Variants in RGS5 observed in about 807,000 individuals in gnomAD.
The protein encoded by RGS5 is regulator of G-protein signalling 5.
RGS5 carries 20 observed loss-of-function variants against 18.9 expected under a neutral mutation model. The ratio of observed to expected loss-of-function variants is 1.06; its 90% CI spans 0.74 to 1.54. RGS5 has a LOEUF of 1.54. Among genes scored for constraint, RGS5 ranks in the 40% most tolerant of loss-of-function variants. RGS5 has a pLI of 0.00. For missense variants in RGS5, 201 were observed against 211.8 expected (o/e 0.95, Z 0.32); for synonymous variants, 57 against 76.2 (o/e 0.75, Z 1.31).
intron 2 of RGS5, among the ~76,000 whole-genome samples, chr1:163,233,120 T>TA: frequency 6.6e-6 from 1 of 152,254 alleles, no homozygotes; most frequent in Non-Finnish European, 1.5e-5. Context: ...TTTGGATTTT[T>TA]AAAAAATATT....
At chr1:163,275,127 C>CA (rs1453758027) in intron 2 of RGS5, among the ~76,000 whole-genome samples, 3 of 152,100 alleles carry the variant, frequency 2.0e-5, no homozygotes, top group East Asian at 1.9e-4. Context: ...AATACAAAAA[C>CA]AAAAAAGTTT....
intron 2 of RGS5, among the ~76,000 whole-genome samples, chr1:163,253,066 G>C (rs1278576129): frequency 6.6e-6 from 1 of 152,036 alleles, no homozygotes; most frequent in East Asian, 1.9e-4. Flanking sequence ...TTGAGCACTG[G>C]GTGTGTTTAA....
chr1:163,201,849 C>T (rs1201286627), intron 1 of RGS5, among the ~76,000 whole-genome samples: 4 of 152,130 alleles, frequency 2.6e-5, no homozygotes, highest in Non-Finnish European at 5.9e-5. Context: ...GTGCAAGGAT[C>T]TTCTTTATTT....
intron 3 of RGS5, among the ~76,000 whole-genome samples, chr1:163,158,107 A>T (rs1413619858): frequency 2.6e-5 from 4 of 152,348 alleles, no homozygotes; most frequent in Non-Finnish European, 5.9e-5. Flanking sequence ...TTCAAATAAG[A>T]ACTTCTCATA....
intron 2 of RGS5, among the ~76,000 whole-genome samples, chr1:163,242,210 C>T (rs1461637990): frequency 1.3e-5 from 2 of 152,132 alleles, no homozygotes; most frequent in Non-Finnish European, 2.9e-5. Flanking sequence ...ATGGATCAAA[C>T]ATGGCATATT....
chr1:163,298,083 T>G (rs1314609871), intron 2 of RGS5, among the ~76,000 whole-genome samples: 1 of 150,688 alleles, frequency 6.6e-6, no homozygotes. Flanking sequence ...CCTTGTTTGA[T>G]ATAACAAATA....
chr1:163,160,724 T>C (rs900309836), intron 3 of RGS5, among the ~76,000 whole-genome samples: 1 of 152,208 alleles, frequency 6.6e-6, no homozygotes, highest in African/African-American at 2.4e-5. Context: ...TTAATCATAA[T>C]GGTCTTGTGA....
chr1:163,244,407 T>TATTG (rs1647876364), intron 2 of RGS5: 1 of 152,216 alleles, frequency 6.6e-6, no homozygotes, highest in African/African-American at 2.4e-5. Context: ...CTCCAAAGCA[T>TATTG]TTAACCCAGC....
chr1:163,212,963 T>G (rs969706919), intron 1 of RGS5: 5 of 152,228 alleles, frequency 3.3e-5, no homozygotes, highest in African/African-American at 1.2e-4. Context: ...CTTTTTCTTC[T>G]TCTCTTTTCA....
chr1:163,311,648 T>C (rs1416301261), intron 1 of RGS5, among the ~76,000 whole-genome samples: 1 of 152,178 alleles, frequency 6.6e-6, no homozygotes, highest in South Asian at 2.1e-4. Flanking sequence ...GGCTGGTCAA[T>C]GAAGCAGTTA....
At chr1:163,237,668 G>C (rs1050462342) in intron 2 of RGS5, 47 of 151,966 alleles carry the variant, frequency 3.1e-4, no homozygotes, top group African/African-American at 1.1e-3. Flanking sequence ...CTGGGTGACA[G>C]AGACCCTGTC....
chr1:163,320,414 C>T (rs1262900233), intron 1 of RGS5, among the ~76,000 whole-genome samples: 3 of 152,292 alleles, frequency 2.0e-5, no homozygotes, highest in South Asian at 2.1e-4. Flanking sequence ...GATGCAGAAA[C>T]GAGCTCAGTT....
intron 1 of RGS5, chr1:163,217,444 C>A (rs1023642596): frequency 1.4e-6 from 2 of 1,384,620 alleles, no homozygotes; most frequent in Non-Finnish European, 1.9e-6. Flanking sequence ...TGGCATCCTT[C>A]CACAAAATAA....
At position 163,170,621 on chromosome 1, in the gene RGS5, C is replaced by T. The variant is rs1007544043; in HGVS notation, c.45-2253G>A. Among the ~76,000 whole-genome samples the T allele has an allele frequency of 2.6e-5, 4 of 152,200 alleles. No homozygotes were observed. The East Asian group carries it at 5.8e-4, about 22-fold the overall frequency. On this transcript the variant is annotated intron_variant, in intron 1 of 4. Transcript: ENST00000313961. ...GTAACTTATAAAAACTCCATAAATG[C>T]CTAATTATAACATATTTTCCTTTAG...
At chr1:163,161,737 T>A in intron 3 of RGS5, 178 bp downstream of exon 3, 1 of 538,154 alleles carries the variant, frequency 1.9e-6, no homozygotes. Flanking sequence ...CCACAGACCC[T>A]CCTTTTCTTG....
chr1:163,263,164 T>C (rs1648496152), intron 2 of RGS5, among the ~76,000 whole-genome samples: 1 of 152,216 alleles, frequency 6.6e-6, no homozygotes, highest in Admixed American at 6.5e-5. Flanking sequence ...CAAAAGATCT[T>C]CTGTAATTTC....
chr1:163,295,943 G>T (rs1253759031), intron 2 of RGS5, among the ~76,000 whole-genome samples: 1 of 151,880 alleles, frequency 6.6e-6, no homozygotes, highest in Admixed American at 6.6e-5. Context: ...TGTTTTCACA[G>T]AAATGGGCAG....
intron 2 of RGS5, among the ~76,000 whole-genome samples, chr1:163,292,066 A>G (rs1425923368): frequency 6.6e-6 from 1 of 152,144 alleles, no homozygotes; most frequent in African/African-American, 2.4e-5. Flanking sequence ...GCCTTGTTAC[A>G]CAGGTAAACA....
intron 2 of RGS5, among the ~76,000 whole-genome samples, chr1:163,301,905 T>G (rs17358373): frequency 0.11 from 16,914 of 152,122 alleles, 1,257 homozygotes; most frequent in South Asian, 0.21. Flanking sequence ...GATATTTCAA[T>G]TAGGAAGAAA....
Sources: gnomAD v4.1 joint callset for allele counts (sites outside exome capture counted in the v4.1 genomes callset) on GRCh38, gnomAD v4.1.1 for gene constraint, MANE v1.5 for transcripts, NCBI Gene and HGNC (gene_info 2026-07-23, HGNC 2026-07-21) for gene names.